The following PLEKHA6 variants were observed in gnomAD, a reference collection of about 807,000 sequenced individuals.
The protein encoded by PLEKHA6 is pleckstrin homology domain containing A6.
In PLEKHA6, 60 loss-of-function variants were observed where a neutral mutation model predicts 116.7. That is an observed-to-expected ratio of 0.51 (90% CI 0.42 to 0.64). The LOEUF (loss-of-function observed/expected upper bound fraction) is 0.64. PLEKHA6 is among the 30% of genes least tolerant of loss of function. The pLI is 0.00. For missense variants in PLEKHA6, 1,338 were observed against 1,422.7 expected, an observed-to-expected ratio of 0.94 and a Z score of 0.96; for synonymous variants, 489 against 556.1, an observed-to-expected ratio of 0.88 and a Z score of 1.70.
intron 3 of PLEKHA6, among the ~76,000 whole-genome samples, chr1:204,268,826 T>C (rs2102861162): frequency 6.6e-6 from 1 of 152,314 alleles, no homozygotes; most frequent in East Asian, 1.9e-4. Context: ...ACTATGGCAA[T>C]AGTCCACCTT....
intron 17 of PLEKHA6, among the ~76,000 whole-genome samples, chr1:204,231,005 G>A (rs1186675864): frequency 6.6e-6 from 1 of 152,126 alleles, no homozygotes; most frequent in Non-Finnish European, 1.5e-5. Context: ...GCCACCACCT[G>A]GATTTTAGAC....
intron 1 of PLEKHA6, chr1:204,301,526 C>G (rs1670816842): frequency 1.1e-6 from 1 of 946,988 alleles, no homozygotes; most frequent in African/African-American, 1.8e-5. Flanking sequence ...GCTTCCAGCC[C>G]TCTCTCCACC....
chr1:204,352,442 T>C (rs946539590), intron 1 of PLEKHA6, among the ~76,000 whole-genome samples: 1 of 152,192 alleles, frequency 6.6e-6, no homozygotes, highest in South Asian at 2.1e-4. Flanking sequence ...CATATTATTT[T>C]ATTTCATTTA....
chr1:204,243,678 T>C (rs980697017), intron 15 of PLEKHA6, among the ~76,000 whole-genome samples: 1 of 152,232 alleles, frequency 6.6e-6, no homozygotes, highest in Admixed American at 6.5e-5. Flanking sequence ...TCAGGGCGTT[T>C]ACAGTCTGAA....
intron 1 of PLEKHA6, chr1:204,297,104 A>G (rs1008046037): frequency 4.1e-6 from 4 of 984,270 alleles, no homozygotes; most frequent in Non-Finnish European, 4.8e-6. Context: ...GAATTTAGTG[A>G]CAACAGTAGA....
At chr1:204,247,229 C>T in intron 13 of PLEKHA6, 136 bp downstream of exon 13, 1 of 589,954 alleles carries the variant, frequency 1.7e-6, no homozygotes, top group Non-Finnish European at 3.1e-6. Flanking sequence ...GTGAGATGAA[C>T]CTAAAGCGTC....
chr1:204,335,170 C>G (rs1474353738), intron 1 of PLEKHA6, among the ~76,000 whole-genome samples: 1 of 152,056 alleles, frequency 6.6e-6, no homozygotes, highest in Non-Finnish European at 1.5e-5. Flanking sequence ...GCTTTCCTTC[C>G]CCTTGGCCTC....
At position 204,308,687 on chromosome 1, in the gene PLEKHA6, C is replaced by CTTTTTTTTTTTTTTTTTTTTTTTTTTT. The variant is rs60251937; in HGVS notation, c.-94-33879_-94-33878insAAAAAAAAAAAAAAAAAAAAAAAAAAA. ...CAAGAAGGTAATTCTTTTTCTTTTT[C>CTTTTTTTTTTTTTTTTTTTTTTTTTTT]TTTTTTTTTTTTTTTTTTTTTGAGA... On this transcript the variant is annotated intron_variant, in intron 1 of 22. Coordinates refer to ENST00000272203, the MANE Select transcript of PLEKHA6 (RefSeq NM_014935.5). 2.5e-5 allele frequency among the ~76,000 whole-genome samples: 2 copies of CTTTTTTTTTTTTTTTTTTTTTTTTTTT among 81,404 alleles called. 1 individual carries two copies. The highest frequency in any genetic ancestry group is 4.3e-5 in the Non-Finnish European group (2 of 46,536). 53.4% of individuals were successfully genotyped at this position (81,404 alleles called of 152,430 possible). A position where few individuals can be genotyped will look rare whatever the true frequency, so the allele number is the denominator to read the frequency against.
At chr1:204,260,570 T>A (rs1665973842) in intron 7 of PLEKHA6, among the ~76,000 whole-genome samples, 1 of 152,212 alleles carries the variant, frequency 6.6e-6, no homozygotes, top group Admixed American at 6.5e-5. Context: ...TTGTGACAAT[T>A]TTCCCCCTAC....
At chr1:204,239,833 G>C (rs1362597895) in intron 17 of PLEKHA6, among the ~76,000 whole-genome samples, 1 of 152,016 alleles carries the variant, frequency 6.6e-6, no homozygotes, top group Admixed American at 6.6e-5. Context: ...CAGGATTTAC[G>C]GGTCCAGGAA....
intron 1 of PLEKHA6, chr1:204,280,263 C>G (rs1668457111): frequency 3.1e-6 from 3 of 976,630 alleles, no homozygotes; most frequent in Non-Finnish European, 3.6e-6. Flanking sequence ...GGAGAGTCAG[C>G]CTCCACGTGC....
intron 17 of PLEKHA6, among the ~76,000 whole-genome samples, chr1:204,234,323 GAACC>G (rs1661637611): frequency 6.6e-6 from 1 of 152,146 alleles, no homozygotes; most frequent in Non-Finnish European, 1.5e-5. Flanking sequence ...GTCTCCAAAG[GAACC>G]AACCCTGCTG....
In PLEKHA6 at chr1:204,226,197, G is replaced by T. The variant is rs555054368; in HGVS notation, c.3031+1886C>A. 2.6e-5 allele frequency among the ~76,000 whole-genome samples: 4 copies of T among 152,372 alleles called. No homozygotes were observed. In the East Asian group the frequency reaches 7.7e-4, roughly 29 times the overall value. ...CTGGGGAGCTGGGCCACAGGCCAGG[G>T]GCGGTGGGAACAGTGGGCTGAGTCT... On this transcript the variant is annotated intron_variant, in intron 21 of 22. Coordinates refer to ENST00000272203, the MANE Select transcript of PLEKHA6 (RefSeq NM_014935.5).
intron 2 of PLEKHA6, chr1:204,368,383 G>A (rs1371050518): frequency 6.6e-6 from 1 of 152,026 alleles, no homozygotes; most frequent in Non-Finnish European, 1.5e-5. Context: ...TTCTGGACAG[G>A]AAACCAAGGA....
rs1237898799 is a variant in PLEKHA6, at chr1:204,238,993, A to T, written c.2409+2382T>A. On this transcript the variant is annotated intron_variant, in intron 17 of 22. Coordinates refer to ENST00000272203, the MANE Select transcript of PLEKHA6 (RefSeq NM_014935.5). The surrounding 1 kb of genome is among the most constrained non-coding windows in gnomAD (Gnocchi z 4.2). ...GCTGGATGGTCAGGGACTTTGAAGA[A>T]GTATGACTGGAAAATTGGTGACAAA... Among the ~76,000 whole-genome samples the T allele has an allele frequency of 6.6e-6, 1 of 152,268 alleles. No individual in the cohort carries two copies. The highest frequency in any genetic ancestry group is 2.4e-5 in the African/African-American group (1 of 41,476).
intron 1 of PLEKHA6, among the ~76,000 whole-genome samples, chr1:204,321,089 A>T (rs1250828580): frequency 6.6e-6 from 1 of 152,018 alleles, no homozygotes; most frequent in Non-Finnish European, 1.5e-5. Context: ...CAGAATATGG[A>T]ATAGTGTTAC....
intron 1 of PLEKHA6, among the ~76,000 whole-genome samples, chr1:204,292,812 G>C (rs893315022): frequency 6.6e-6 from 1 of 152,220 alleles, no homozygotes; most frequent in African/African-American, 2.4e-5. Flanking sequence ...AGTCTAATTA[G>C]ATCACACATT....
At chr1:204,296,056 G>T (rs983183993) in intron 1 of PLEKHA6, among the ~76,000 whole-genome samples, 4 of 152,210 alleles carry the variant, frequency 2.6e-5, no homozygotes, top group Non-Finnish European at 4.4e-5. Flanking sequence ...GGGCATATGT[G>T]TCAGTGTCGT....
chr1:204,357,206 A>G (rs768681706), intron 1 of PLEKHA6, among the ~76,000 whole-genome samples: 3 of 152,182 alleles, frequency 2.0e-5, no homozygotes, highest in Non-Finnish European at 4.4e-5. Flanking sequence ...CCACAGAGGA[A>G]GCTGCCTTGT....
Sources: gnomAD v4.1 joint callset for allele counts (sites outside exome capture counted in the v4.1 genomes callset) on GRCh38, gnomAD v4.1.1 for gene constraint, Gnocchi (gnomAD v3.1) non-coding constraint, MANE v1.5 for transcripts, NCBI Gene and HGNC (gene_info 2026-07-23, HGNC 2026-07-21) for gene names.